NOX3: variants seen among roughly 807,000 people sequenced by gnomAD.
NOX3 encodes the protein NADPH oxidase 3.
In NOX3, 74 loss-of-function variants were observed where a neutral mutation model predicts 76.7. That is an observed-to-expected ratio of 0.96 (90% CI 0.80 to 1.17). The LOEUF (loss-of-function observed/expected upper bound fraction) is 1.17, where lower values mean the gene tolerates loss of function less well. NOX3 is among the 50% of genes most tolerant of loss of function. The pLI is 0.00. For synonymous variants in NOX3, 263 were observed against 261.1 expected (o/e 1.01, Z -0.07); for missense variants, 695 against 703.3 (o/e 0.99, Z 0.13).
In NOX3 at chr6:155,440,138, C is replaced by A. The variant is rs753537076; in HGVS notation, c.487-1G>T. 7 of 1,537,152 alleles carry A rather than the reference C, an allele frequency of 4.6e-6. No individual in the cohort carries two copies. The highest frequency in any genetic ancestry group is 5.2e-6 in the Non-Finnish European group (6 of 1,144,302). ...TCCTTAGCAATTCAGTGGTTGTGTTCTAAAAAAAACAACAACAACAAAAAA... is the reference window on the plus strand; with the variant it reads ...TCCTTAGCAATTCAGTGGTTGTGTTATAAAAAAAACAACAACAACAAAAAA... On this transcript the variant is annotated splice_acceptor_variant, in intron 5 of 13. Coordinates refer to ENST00000159060, the MANE Select transcript of NOX3 (RefSeq NM_015718.3). LOFTEE classifies it high-confidence loss of function.
At chr6:155,404,125 A>G (rs1562457455) in intron 12 of NOX3, among the ~76,000 whole-genome samples, 1 of 136,646 alleles carries the variant, frequency 7.3e-6, no homozygotes, top group African/African-American at 3.0e-5. Context: ...ATATATATAT[A>G]TATTTTTTTT....
chr6:155,431,444 A>C (rs1776832741), intron 7 of NOX3, among the ~76,000 whole-genome samples: 1 of 151,892 alleles, frequency 6.6e-6, no homozygotes, highest in Admixed American at 6.6e-5. Flanking sequence ...ACACACACAC[A>C]CACAGTTATT....
chr6:155,436,254 C>G (rs930404702), intron 7 of NOX3, among the ~76,000 whole-genome samples, 164 bp downstream of exon 7: 1 of 152,154 alleles, frequency 6.6e-6, no homozygotes, highest in Non-Finnish European at 1.5e-5. Flanking sequence ...TGGCAGTAAA[C>G]CTCTTTAAAA....
intron 7 of NOX3, among the ~76,000 whole-genome samples, chr6:155,433,983 G>A (rs752630000): frequency 1.3e-5 from 2 of 152,162 alleles, no homozygotes; most frequent in Non-Finnish European, 2.9e-5. Flanking sequence ...AAACGATGTT[G>A]ATTCAAAAGC....
chr6:155,421,890 T>C (rs915002491), intron 10 of NOX3, among the ~76,000 whole-genome samples: 1 of 152,210 alleles, frequency 6.6e-6, no homozygotes, highest in Non-Finnish European at 1.5e-5. Context: ...GAATTCTCTC[T>C]AGTGGATCAT....
chr6:155,434,658 A>G (rs538951977), intron 7 of NOX3, among the ~76,000 whole-genome samples: 38 of 152,286 alleles, frequency 2.5e-4, no homozygotes, highest in African/African-American at 7.9e-4. Flanking sequence ...GTCTTCATAT[A>G]TTTTTACAAA....
At chr6:155,440,205 G>A (rs1443721970) in intron 5 of NOX3, 68 bp from the exon 6 acceptor site, 35 of 1,309,554 alleles carry the variant, frequency 2.7e-5, no homozygotes, top group Non-Finnish European at 3.6e-5. Context: ...AAATATCCTG[G>A]CATATTTTTT....
intron 12 of NOX3, among the ~76,000 whole-genome samples, chr6:155,403,067 TTTGTGCAGAACAGTAATTGGA>T (rs1779255615): frequency 1.3e-5 from 2 of 152,266 alleles, no homozygotes; most frequent in South Asian, 4.1e-4. Context: ...TACTTTGTCC[TTTGTGCAGAACAGTAATTGGA>T]TTGTGTGTTT....
intron 1 of NOX3, 82 bp downstream of exon 1, chr6:155,455,671 A>G (rs1777204792): frequency 1.9e-6 from 2 of 1,046,106 alleles, no homozygotes; most frequent in South Asian, 1.4e-5. Context: ...CAAGCTATTT[A>G]GCGTTCCTAT....
chr6:155,418,526 T>A (rs996945087), intron 10 of NOX3, among the ~76,000 whole-genome samples: 1 of 152,230 alleles, frequency 6.6e-6, no homozygotes, highest in African/African-American at 2.4e-5. Flanking sequence ...TTATACTTCT[T>A]GTTATTTGGC....
At chr6:155,398,262 C>T (rs889866324) in intron 12 of NOX3, among the ~76,000 whole-genome samples, 8 of 150,894 alleles carry the variant, frequency 5.3e-5, no homozygotes, top group East Asian at 2.0e-4. Flanking sequence ...GTGAGGATCT[C>T]GGGTGGTGTT....
At position 155,434,273 on chromosome 6, in the gene NOX3, G is replaced by A. The variant is rs577637331; in HGVS notation, c.798+2145C>T. ...AACAGCTTTCCCTAGTAATTACAAA[G>A]TGTCAGCCTTATGGTTACGATGAGT... On this transcript the variant is annotated intron_variant, in intron 7 of 13. Coordinates refer to ENST00000159060, the MANE Select transcript of NOX3 (RefSeq NM_015718.3). 8.5e-5 allele frequency among the ~76,000 whole-genome samples: 13 copies of A among 152,320 alleles called. No individual in the cohort carries two copies. The South Asian group carries it at 2.5e-3, about 29-fold the overall frequency.
intron 9 of NOX3, among the ~76,000 whole-genome samples, chr6:155,424,782 GAGAA>G (rs1172104023): frequency 6.6e-6 from 1 of 152,152 alleles, no homozygotes; most frequent in Non-Finnish European, 1.5e-5. Flanking sequence ...AGGAAATTGA[GAGAA>G]AGAGAGAAAG....
chr6:155,428,695 T>G, intron 9 of NOX3, 99 bp downstream of exon 9: 3 of 1,188,238 alleles, frequency 2.5e-6, no homozygotes, highest in South Asian at 2.7e-5. Context: ...AACTCACCAT[T>G]TAATAAAGAT....
At chr6:155,453,211 G>A (rs926549091) in intron 4 of NOX3, among the ~76,000 whole-genome samples, 193 bp downstream of exon 4, 3 of 151,964 alleles carry the variant, frequency 2.0e-5, no homozygotes, top group African/African-American at 7.3e-5. Flanking sequence ...TTGAGGTCTT[G>A]GTAGGGGAAA....
At chr6:155,407,546 T>C (rs6904100) in intron 11 of NOX3, among the ~76,000 whole-genome samples, 1,888 of 152,310 alleles carry the variant, frequency 0.012, 46 homozygotes, top group African/African-American at 0.043. Context: ...GAAAGTAATA[T>C]AGTAAATGTG....
chr6:155,411,452 C>A (rs995543222), intron 10 of NOX3, 92 bp from the exon 11 acceptor site: 6 of 1,210,210 alleles, frequency 5.0e-6, no homozygotes, highest in Admixed American at 2.6e-5. Context: ...ATTATTTGAG[C>A]CCAAATGGGC....
At position 155,408,562 on chromosome 6, in the gene NOX3, T is replaced by A. The variant is rs150650565; in HGVS notation, c.1456-1308A>T. Among the ~76,000 whole-genome samples the A allele has an allele frequency of 1.6e-3, 239 of 152,162 alleles. 1 individual carries two copies. Among genetic ancestry groups the A allele is most frequent in the African/African-American group, 5.6e-3 (231 of 41,496 alleles). On this transcript the variant is annotated intron_variant, in intron 11 of 13. Coordinates refer to ENST00000159060, the MANE Select transcript of NOX3 (RefSeq NM_015718.3). ...AAAAAGTAGTTGAATCTAGGGAGGT[T>A]CAGCTGAAAATAGTGGAAGTGTCCC...
intron 7 of NOX3, among the ~76,000 whole-genome samples, chr6:155,433,707 T>C (rs1776865040): frequency 6.6e-6 from 1 of 151,464 alleles, no homozygotes; most frequent in Admixed American, 6.6e-5. Context: ...GTGAATGCTG[T>C]GAATGGAGGA....
Sources: allele counts gnomAD v4.1 joint callset (sites outside exome capture counted in the v4.1 genomes callset), GRCh38; gene constraint gnomAD v4.1.1; transcripts MANE v1.5; gene names NCBI Gene and HGNC (gene_info 2026-07-23, HGNC 2026-07-21).